The following HLCS variants were observed in gnomAD, a reference collection of about 807,000 sequenced individuals.
HLCS encodes biotin--protein ligase.
Under a neutral mutation model 75.0 loss-of-function variants are expected in HLCS, and 53 were observed. The ratio of observed to expected loss-of-function variants is 0.71; its 90% confidence interval spans 0.57 to 0.89. The LOEUF (loss-of-function observed/expected upper bound fraction) is 0.89, where lower values mean the gene tolerates loss of function less well. HLCS is among the 40% of genes least tolerant of loss of function. The probability of loss-of-function intolerance (pLI) is 0.00; values close to 1 mark genes in which losing one functional copy is unlikely to be tolerated. For missense variants in HLCS, 966 were observed against 1,074.0 expected (o/e 0.90, Z 1.41); for synonymous variants, 431 against 428.6 (o/e 1.01, Z -0.07).
chr21:36,962,454 A>C (rs1456700247), intron 1 of HLCS, among the ~76,000 whole-genome samples: 4 of 152,082 alleles, frequency 2.6e-5, no homozygotes, highest in African/African-American at 9.7e-5. Flanking sequence ...GCCATTCCTC[A>C]CTGCTTAGCA....
At chr21:36,859,979 GTC>G (rs2063328520) in intron 6 of HLCS, among the ~76,000 whole-genome samples, 2 of 152,212 alleles carry the variant, frequency 1.3e-5, no homozygotes, top group African/African-American at 4.8e-5. Context: ...TTCCTTGCAG[GTC>G]GCATATTTAC....
chr21:36,839,018 A>G (rs1050810872), intron 6 of HLCS, among the ~76,000 whole-genome samples: 4 of 145,094 alleles, frequency 2.8e-5, no homozygotes, highest in Non-Finnish European at 6.1e-5. Flanking sequence ...TTCCAGATAC[A>G]CAGATATATT....
intron 5 of HLCS, among the ~76,000 whole-genome samples, chr21:36,925,870 T>A (rs968982791): frequency 6.6e-6 from 1 of 152,242 alleles, no homozygotes. Context: ...TCAGATTCGA[T>A]AGAAAATAAA....
rs560659391 is a variant in HLCS, at chr21:36,785,262, C to T, written c.1893-17977G>A. On this transcript the variant is annotated intron_variant, in intron 6 of 10. Transcript: ENST00000674895. ...AGCTCGTTTGCCGGGATGCTTAGCA[C>T]CAGCTTAACTCTTCACTCAGTGGGA... Among the ~76,000 whole-genome samples, 5 of 152,144 alleles carry T rather than the reference C, an allele frequency of 3.3e-5. 1 individual carries two copies. The highest frequency in any genetic ancestry group is 2.0e-4 in the Admixed American group (3 of 15,280).
chr21:36,914,299 C>T (rs1207301657), intron 5 of HLCS, among the ~76,000 whole-genome samples: 1 of 152,196 alleles, frequency 6.6e-6, no homozygotes, highest in African/African-American at 2.4e-5. Context: ...ACAGCCTGAT[C>T]TAGCGATGAG....
chr21:36,973,412 C>CAGCT (rs3035109), intron 1 of HLCS, among the ~76,000 whole-genome samples: 61,744 of 151,398 alleles, frequency 0.41, 13,262 homozygotes, highest in South Asian at 0.53. Context: ...AGACTGTACC[C>CAGCT]AGCTGTCTGA....
At chr21:36,804,267 T>A (rs2061299625) in intron 6 of HLCS, 1 of 152,344 alleles carries the variant, frequency 6.6e-6, no homozygotes. Flanking sequence ...CATCTGAAAC[T>A]CCCAAGTTAC....
chr21:36,975,835 A>G (rs1166156137), intron 1 of HLCS, among the ~76,000 whole-genome samples: 2 of 152,132 alleles, frequency 1.3e-5, no homozygotes, highest in African/African-American at 4.8e-5. Context: ...ATTGGCAGCC[A>G]TTCACTTATT....
At chr21:36,911,796 C>T (rs1393854512) in intron 5 of HLCS, among the ~76,000 whole-genome samples, 1 of 145,080 alleles carries the variant, frequency 6.9e-6, no homozygotes, top group Non-Finnish European at 1.5e-5. Flanking sequence ...GGGCCGGGCG[C>T]GGTGGCTCTC....
At chr21:36,766,798 C>T (rs1390291943) in intron 7 of HLCS, among the ~76,000 whole-genome samples, 2 of 152,254 alleles carry the variant, frequency 1.3e-5, no homozygotes, top group East Asian at 3.9e-4. Context: ...CATGCAAGCC[C>T]AGCCCAGGGC....
intron 2 of HLCS, among the ~76,000 whole-genome samples, chr21:36,956,401 A>G (rs761835626): frequency 6.6e-6 from 1 of 152,232 alleles, no homozygotes; most frequent in Non-Finnish European, 1.5e-5. Context: ...CTGTGTACCT[A>G]GAGTCCTAAA....
At chr21:36,899,039 T>G (rs966156176) in intron 5 of HLCS, among the ~76,000 whole-genome samples, 2 of 152,056 alleles carry the variant, frequency 1.3e-5, no homozygotes, top group Middle Eastern at 3.4e-3. Flanking sequence ...CCAGCCTGAG[T>G]GACAGAACCA....
chr21:36,910,492 G>T (rs1188766965), intron 5 of HLCS, among the ~76,000 whole-genome samples: 1 of 151,380 alleles, frequency 6.6e-6, no homozygotes, highest in Admixed American at 6.6e-5. Context: ...GGTGCAGTGA[G>T]CAGAGATCGC....
chr21:36,939,677 T>A (rs911232990), intron 2 of HLCS, among the ~76,000 whole-genome samples: 26 of 152,100 alleles, frequency 1.7e-4, no homozygotes, highest in African/African-American at 6.3e-4. Flanking sequence ...GCCTTCCAGT[T>A]CTTACTACAG....
At chr21:36,956,581 T>A (rs546215325) in intron 2 of HLCS, among the ~76,000 whole-genome samples, 2 of 151,586 alleles carry the variant, frequency 1.3e-5, no homozygotes, top group Middle Eastern at 6.9e-3. Context: ...ACAAAAAAAA[T>A]TAGCCGGGTG....
chr21:36,791,978 A>T lies in HLCS; in HGVS notation c.1893-24693T>A, dbSNP rs571868388. Among the ~76,000 whole-genome samples, 256 of 152,276 alleles carry T rather than the reference A, an allele frequency of 1.7e-3. 1 individual carries two copies. The highest frequency in any genetic ancestry group is 5.8e-3 in the African/African-American group (243 of 41,568). Reference sequence around the variant, plus strand: ...AGGTTTCCCACTGTGAAGCCATCAGAAAGGCAGCGGAAAAAAACCTCATGG... The same window carrying T: ...AGGTTTCCCACTGTGAAGCCATCAGTAAGGCAGCGGAAAAAAACCTCATGG... On this transcript the variant is annotated intron_variant, in intron 6 of 10. Transcript: ENST00000674895.
intron 6 of HLCS, among the ~76,000 whole-genome samples, chr21:36,893,722 G>T (rs770392854): frequency 2.6e-5 from 4 of 152,196 alleles, no homozygotes; most frequent in African/African-American, 9.7e-5. Context: ...TCTGACAGGG[G>T]GCGGGGCTCA....
intron 6 of HLCS, among the ~76,000 whole-genome samples, chr21:36,798,929 C>G (rs1044987579): frequency 6.6e-6 from 1 of 152,118 alleles, no homozygotes; most frequent in African/African-American, 2.4e-5. Flanking sequence ...GGCTATATGT[C>G]CTTTGTCAGA....
intron 8 of HLCS, among the ~76,000 whole-genome samples, chr21:36,762,053 TC>T (rs2089867150): frequency 6.6e-6 from 1 of 152,238 alleles, no homozygotes; most frequent in Non-Finnish European, 1.5e-5. Flanking sequence ...GACTGTGTGC[TC>T]ATTTTTCATT....
Sources: gnomAD v4.1 joint callset for allele counts (sites outside exome capture counted in the v4.1 genomes callset) on GRCh38, gnomAD v4.1.1 for gene constraint, MANE v1.5 for transcripts, NCBI Gene and HGNC (gene_info 2026-07-23, HGNC 2026-07-21) for gene names.